The following ITIH2 variants were observed in gnomAD, a reference collection of about 807,000 sequenced individuals.
The protein encoded by ITIH2 is inter-alpha-trypsin inhibitor heavy chain H2.
ITIH2 carries 103 observed loss-of-function variants against 104.4 expected under a neutral mutation model. The observed-to-expected ratio is 0.99, with a 90% CI of 0.84 to 1.16. The LOEUF (loss-of-function observed/expected upper bound fraction) is 1.16. Ranked by LOEUF, ITIH2 falls within the 50% of genes most tolerant of loss-of-function variation. The pLI, the probability that ITIH2 is intolerant of heterozygous loss-of-function variation, is 0.00. For missense variants in ITIH2, 1,108 were observed against 1,162.4 expected (o/e 0.95, Z 0.68); for synonymous variants, 436 against 435.4 (o/e 1.00, Z -0.02).
chr10:7,722,354 A>C (rs1395963364), intron 8 of ITIH2, among the ~76,000 whole-genome samples: 1 of 152,190 alleles, frequency 6.6e-6, no homozygotes, highest in African/African-American at 2.4e-5. Flanking sequence ...TTTCCTGGAA[A>C]GAGGCAGCCA....
At chr10:7,713,402 A>G in intron 5 of ITIH2, 117 bp downstream of exon 5, 1 of 706,680 alleles carries the variant, frequency 1.4e-6, no homozygotes, top group Admixed American at 2.6e-5. Context: ...GCCAATGGCA[A>G]CCTCCTCAGA....
chr10:7,714,363 G>A (rs890718415), intron 5 of ITIH2, among the ~76,000 whole-genome samples: 1 of 151,640 alleles, frequency 6.6e-6, no homozygotes, highest in African/African-American at 2.4e-5. Context: ...CAGTAGAGAC[G>A]GGGTTTCACC....
rs755835010 is a variant in ITIH2, at chr10:7,721,720, T to C, written c.810T>C (p.Asp270=). 1.2e-6 allele frequency: 2 copies of C among 1,613,870 alleles called. No homozygotes were observed. The highest frequency in any genetic ancestry group is 8.5e-7 in the Non-Finnish European group (1 of 1,179,906). ...ICPNCRETAV[D]GELVVLYDVK... ...CTAACTGCCGGGAGACTGCGGTAGATGGGGAACTGGTGGTGCTGTATGACG... is the reference window on the plus strand; with the variant it reads ...CTAACTGCCGGGAGACTGCGGTAGACGGGGAACTGGTGGTGCTGTATGACG... Residue 270 remains aspartate, a synonymous_variant, in exon 8 of 21, where the codon GAT becomes GAC. Coordinates refer to ENST00000358415, the MANE Select transcript of ITIH2 (RefSeq NM_002216.3).
intron 9 of ITIH2, among the ~76,000 whole-genome samples, chr10:7,724,148 G>T (rs1229581287): frequency 6.6e-6 from 1 of 152,150 alleles, no homozygotes; most frequent in Non-Finnish European, 1.5e-5. Context: ...ACAAGGAAAT[G>T]ATTTAACTTA....
chr10:7,723,027 C>G (rs1251552639), intron 8 of ITIH2, among the ~76,000 whole-genome samples: 3 of 108,106 alleles, frequency 2.8e-5, no homozygotes, highest in Non-Finnish European at 3.9e-5. Flanking sequence ...GAGTGGCGTG[C>G]AGTGGAGTGG....
At chr10:7,739,070 G>T (rs1206492157) in intron 16 of ITIH2, among the ~76,000 whole-genome samples, 1 of 152,202 alleles carries the variant, frequency 6.6e-6, no homozygotes, top group Non-Finnish European at 1.5e-5. Context: ...TTTGGTGGCT[G>T]TGGCTTCCTT....
intron 9 of ITIH2, among the ~76,000 whole-genome samples, chr10:7,723,982 G>T (rs892015449): frequency 1.4e-4 from 21 of 151,912 alleles, no homozygotes; most frequent in African/African-American, 4.8e-4. Context: ...TCTTGTCATT[G>T]TCCACATATG....
chr10:7,717,628 G>C lies in ITIH2; in HGVS notation c.470G>C (p.Ser157Thr), dbSNP rs1564299991. The C allele has an allele frequency of 4.3e-6, 7 of 1,612,908 alleles. No individual in the cohort carries two copies. Among genetic ancestry groups the C allele is most frequent in the Non-Finnish European group, 5.1e-6 (6 of 1,179,038 alleles). Residue 157 changes from serine (S) to threonine (T), a missense_variant and splice_region_variant, in exon 6 of 21, where the codon AGC becomes ACC. Ser to Thr is a moderately conservative substitution (Grantham distance 58). Coordinates refer to ENST00000358415, the MANE Select transcript of ITIH2 (RefSeq NM_002216.3). ...TTGTTGGGGGCTTTCACCTTTAGGA[G>C]CAGCGCTCTTGATATGGAAAACTTC... Reference protein sequence around the residue: ...AKGKTAGLVRSSALDMENFRT... With the variant: ...AKGKTAGLVRTSALDMENFRT...
At chr10:7,730,309 C>T (rs1834990632) in intron 12 of ITIH2, among the ~76,000 whole-genome samples, 176 bp downstream of exon 12, 1 of 152,184 alleles carries the variant, frequency 6.6e-6, no homozygotes, top group Non-Finnish European at 1.5e-5. Flanking sequence ...TCCCCCCACC[C>T]TCATATTTCT....
At chr10:7,746,068 TAAAAAAAAAAAAAAAAAAAA>T (rs372266950) in intron 19 of ITIH2, among the ~76,000 whole-genome samples, 6 of 35,772 alleles carry the variant, frequency 1.7e-4, no homozygotes, top group Non-Finnish European at 2.6e-4. Flanking sequence ...ATCTTAAATT[TAAAAAAAAAAAAAAAAAAAA>T]AAAAAAAAAA....
intron 7 of ITIH2, 95 bp from the exon 8 acceptor site, chr10:7,721,554 G>T: frequency 8.7e-7 from 1 of 1,147,288 alleles, no homozygotes; most frequent in Non-Finnish European, 1.2e-6. Flanking sequence ...AACGTCCATT[G>T]GGCAGCTCCT....
At chr10:7,734,829 C>A in intron 14 of ITIH2, 93 bp from the exon 15 acceptor site, 1 of 1,132,296 alleles carries the variant, frequency 8.8e-7, no homozygotes, top group Non-Finnish European at 1.3e-6. Context: ...CAGGTTGGAC[C>A]CCAGCAGTGG....
At chr10:7,746,911 CATGCA>C (rs3036299) in intron 20 of ITIH2, among the ~76,000 whole-genome samples, 87,093 of 151,618 alleles carry the variant, frequency 0.57, 25,693 homozygotes, top group East Asian at 0.65. Context: ...TATCTAGGGT[CATGCA>C]ATGCCAAGAT....
Position 7,723,529 on chromosome 10 carries a change from G to T in ITIH2, c.946G>T (p.Asp316Tyr), listed in dbSNP as rs201633814. ...TCCCAAAAACATCCTCTTTGTCATC[G>T]ATGTGAGTGGCTCCATGTGGGGAGT... is the stretch of plus-strand genomic sequence containing the variant. ...PIPKNILFVI[D>Y]VSGSMWGVKM... is the part of the protein sequence containing the mutation. The change falls in exon 9 of 21, where the codon GAT (aspartate) becomes TAT (tyrosine). Residue 316 changes from aspartate to tyrosine, a missense_variant. Asp to Tyr is a radical substitution (Grantham distance 160). Transcript: ENST00000358415. 1 of 1,613,746 alleles carries T rather than the reference G, an allele frequency of 6.2e-7. No individual in the cohort carries two copies. The highest frequency in any genetic ancestry group is 1.1e-5 in the South Asian group (1 of 91,074).
chr10:7,749,374 C>A lies in ITIH2; in HGVS notation c.*40C>A, dbSNP rs949114666. The stretch of plus-strand genomic sequence containing the variant: ...GGAAATTATATATATTAATATACAT[C>A]TTTCCCCTGTCACTTTTGCAGATAT... On this transcript the variant is annotated 3_prime_UTR_variant, in exon 21 of 21. Transcript: ENST00000358415. 1.3e-6 allele frequency: 2 copies of A among 1,502,398 alleles called. No individual in the cohort carries two copies. Among genetic ancestry groups the A allele is most frequent in the Non-Finnish European group, 1.8e-6 (2 of 1,091,250 alleles). 93.1% of individuals were successfully genotyped at this position (1,502,398 alleles called of 1,614,324 possible). A position where few individuals can be genotyped will look rare whatever the true frequency, so the allele number is the denominator to read the frequency against.
At chr10:7,717,582 C>T (rs1451949059) in intron 5 of ITIH2, 44 bp from the exon 6 acceptor site, 1 of 1,584,444 alleles carries the variant, frequency 6.3e-7, no homozygotes, top group African/African-American at 1.3e-5. Context: ...TCTTGCTGCT[C>T]AATCATGTAT....
Position 7,732,357 on chromosome 10 carries a change from T to TG in ITIH2, c.1669dup (p.Glu557GlyfsTer39), listed in dbSNP as rs768626660. ...ATCTAGGCTAACACGCAGTTAGTCTTGGAGACCCTGGCCCAGATGGACGAC... is the reference window on the plus strand; with the variant it reads ...ATCTAGGCTAACACGCAGTTAGTCTTGGGAGACCCTGGCCCAGATGGACGAC... On this transcript the variant is annotated frameshift_variant, in exon 14 of 21. Coordinates refer to ENST00000358415, the MANE Select transcript of ITIH2 (RefSeq NM_002216.3). LOFTEE classifies it high-confidence loss of function. 1.3e-5 allele frequency: 21 copies of TG among 1,613,974 alleles called. No homozygotes were observed. The highest frequency in any genetic ancestry group is 3.3e-5 in the Admixed American group (2 of 60,006).
At chr10:7,704,690 A>G (rs1420294391) in intron 1 of ITIH2, among the ~76,000 whole-genome samples, 1 of 152,234 alleles carries the variant, frequency 6.6e-6, no homozygotes, top group Non-Finnish European at 1.5e-5. Flanking sequence ...AAATATACTA[A>G]AGAAATCATT....
At chr10:7,734,867 G>C in intron 14 of ITIH2, 55 bp from the exon 15 acceptor site, 1 of 1,486,366 alleles carries the variant, frequency 6.7e-7, no homozygotes. Context: ...GAGCTGACTT[G>C]CGCTCCCCCT....
Sources: gnomAD v4.1 joint callset for allele counts (sites outside exome capture counted in the v4.1 genomes callset) on GRCh38, gnomAD v4.1.1 for gene constraint, MANE v1.5 for transcripts, NCBI Gene and HGNC (gene_info 2026-07-23, HGNC 2026-07-21) for gene names.